SRRM2: variants seen among roughly 807,000 people sequenced by gnomAD.
SRRM2 encodes the protein serine/arginine repetitive matrix 2.
Under a neutral mutation model 213.8 loss-of-function variants are expected in SRRM2, and 30 were observed. The ratio of observed to expected loss-of-function variants is 0.14; its 90% confidence interval spans 0.10 to 0.19. The LOEUF (loss-of-function observed/expected upper bound fraction) is 0.19. Ranked by LOEUF, SRRM2 falls within the 10% of genes least tolerant of loss-of-function variation. The pLI is 1.00. For synonymous variants in SRRM2, 2,025 were observed against 1,377.7 expected, an observed-to-expected ratio of 1.47 and a Z score of -10.40; for missense variants, 4,904 against 3,647.0, an observed-to-expected ratio of 1.34 and a Z score of -8.88.
rs2068484533 is a variant in SRRM2, at chr16:2,764,847, G to A, written c.4319G>A (p.Arg1440Lys). The change falls in exon 11 of 15, where the codon AGG becomes AAG. Residue 1440 changes from arginine (R) to lysine (K), a missense_variant. Arg to Lys is a conservative substitution (Grantham distance 26). Coordinates refer to ENST00000301740, the MANE Select transcript of SRRM2 (RefSeq NM_016333.4). Reference sequence around the variant, plus strand: ...CCCAGAACTCCATCAAGGAGAAGCAGGTCTGGGTCTTCTCCAGGACTTAGA... The same window carrying A: ...CCCAGAACTCCATCAAGGAGAAGCAAGTCTGGGTCTTCTCCAGGACTTAGA... ...GLPRTPSRRS[R>K]SGSSPGLRDG... 6.2e-7 allele frequency: 1 copy of A among 1,614,074 alleles called. No homozygotes were observed. Among genetic ancestry groups the A allele is most frequent in the Non-Finnish European group, 8.5e-7 (1 of 1,180,034 alleles).
In SRRM2 at chr16:2,769,183, T is replaced by C. The variant is rs775877961; in HGVS notation, c.7920T>C (p.Ser2640=). Residue 2640 remains serine (S), a synonymous_variant, in exon 12 of 15, where the codon TCT becomes TCC. Transcript: ENST00000301740. ...SSSSSSSSSS[S]SSSSSSSSPS... ...CCTCTTCTTCTTCTTCCTCCTCATC[T>C]TCCTCCTCCTCGTCGTCTTCCTCCC... The C allele has an allele frequency of 1.7e-5, 28 of 1,611,034 alleles. No individual in the cohort carries two copies. The highest frequency in any genetic ancestry group is 1.1e-4 in the South Asian group (10 of 90,548).
At chr16:2,769,545 C>T (rs369714896) in intron 12 of SRRM2, 5 of 646,176 alleles carry the variant, frequency 7.7e-6, no homozygotes, top group East Asian at 5.6e-5. Flanking sequence ...TAGCCTGTTC[C>T]CAGGGTTCTA....
Position 2,768,105 on chromosome 16 carries a change from C to T in SRRM2, c.7577C>T (p.Pro2526Leu), listed in dbSNP as rs769498706. ...CCTTCTGCATTAGCCGCCCTGCAGC[C>T]AGCAAAGGAGCGGCGGAGTTCCTCC... The part of the protein sequence containing the change: ...QQPSALAALQ[P>L]AKERRSSSSS... Residue 2526 changes from proline to leucine, a missense_variant, in exon 11 of 15, where the codon CCA becomes CTA. Coordinates refer to ENST00000301740, the MANE Select transcript of SRRM2 (RefSeq NM_016333.4). The T allele has an allele frequency of 1.2e-6, 2 of 1,614,164 alleles. 1 individual carries two copies. The highest frequency in any genetic ancestry group is 2.2e-5 in the South Asian group (2 of 91,080).
Position 2,758,457 on chromosome 16 carries a change from C to A in SRRM2, c.516-13C>A, listed in dbSNP as rs2068227075. The A allele has an allele frequency of 1.9e-6, 3 of 1,611,510 alleles. No individual in the cohort carries two copies. The highest frequency in any genetic ancestry group is 2.7e-5 in the African/African-American group (2 of 74,972). ...TCTACCACCCATCTCTGCTGCTTTT[C>A]ATTTTTCCCTAGCCTTGTTCGGGAG... On this transcript the variant is annotated splice_polypyrimidine_tract_variant and intron_variant, in intron 4 of 14. Coordinates refer to ENST00000301740, the MANE Select transcript of SRRM2 (RefSeq NM_016333.4).
Position 2,770,870 on chromosome 16 carries a change from T to C in SRRM2, c.*3T>C, listed in dbSNP as rs755966286. On this transcript the variant is annotated 3_prime_UTR_variant, in exon 15 of 15. Transcript: ENST00000301740. ...TCTTCTCTTGCAGGTCTCCATAAAT[T>C]GTCTTTGGGGGATTCCACCACACCC... The C allele has an allele frequency of 1.9e-6, 3 of 1,613,900 alleles. No homozygotes were observed. The highest frequency in any genetic ancestry group is 2.2e-5 in the South Asian group (2 of 91,012).
rs138993052 is a variant in SRRM2, at chr16:2,764,332, T to G, written c.3804T>G (p.Phe1268Leu). ...TTAAAGAAATGTCCACAAGTAACTT[T>G]GAATCATCTCCTGAAGTAGAAGAAA... is the stretch of plus-strand genomic sequence containing the variant. ...SELKEMSTSN[F>L]ESSPEVEERP... is the part of the protein sequence containing the mutation. Residue 1268 changes from phenylalanine (F) to leucine (L), a missense_variant, in exon 11 of 15, where the codon TTT becomes TTG. Physicochemically the swap from Phe to Leu is conservative, Grantham distance 22. Coordinates refer to ENST00000301740, the MANE Select transcript of SRRM2 (RefSeq NM_016333.4). 1 of 1,614,194 alleles carries G rather than the reference T, an allele frequency of 6.2e-7. No homozygotes were observed. Among genetic ancestry groups the G allele is most frequent in the South Asian group, 1.1e-5 (1 of 91,074 alleles).
intron 9 of SRRM2, chr16:2,760,031 A>C: frequency 3.7e-6 from 2 of 546,754 alleles, no homozygotes; most frequent in African/African-American, 1.9e-5. Context: ...TGAAGCGGGT[A>C]GGGAGTGGGC....
In SRRM2 at chr16:2,763,875, A is replaced by G; in HGVS notation, c.3347A>G (p.Gln1116Arg). Residue 1116 changes from glutamine (Q) to arginine (R), a missense_variant, in exon 11 of 15, where the codon CAA (glutamine) becomes CGA (arginine). Physicochemically the swap from Gln to Arg is conservative, Grantham distance 43. Transcript: ENST00000301740. ...CTGGCATCCAGATCTCCAATAAGAC[A>G]AGATAGAGGTGAGTTCTCAGCGAGT... ...TELASRSPIR[Q>R]DRGEFSASPM... 1 of 1,614,210 alleles carries G rather than the reference A, an allele frequency of 6.2e-7. No homozygotes were observed. The highest frequency in any genetic ancestry group is 1.3e-5 in the African/African-American group (1 of 75,054).
In SRRM2 at chr16:2,767,671, C is replaced by T; in HGVS notation, c.7143C>T (p.Thr2381=). The change falls in exon 11 of 15, where the codon ACC becomes ACT. Residue 2381 remains threonine, a synonymous_variant. Coordinates refer to ENST00000301740, the MANE Select transcript of SRRM2 (RefSeq NM_016333.4). Reference sequence around the variant, plus strand: ...CAGCATTGTCTGGTGCAAACCTCACCAGCCCCAGGGTGCCCCTTTCTGCCT... The same window carrying T: ...CAGCATTGTCTGGTGCAAACCTCACTAGCCCCAGGGTGCCCCTTTCTGCCT... ...MAPALSGANL[T]SPRVPLSAYE... is the part of the protein sequence containing the mutation. 6.2e-7 allele frequency: 1 copy of T among 1,614,126 alleles called. No individual in the cohort carries two copies. The highest frequency in any genetic ancestry group is 1.1e-5 in the South Asian group (1 of 91,074).
intron 1 of SRRM2, among the ~76,000 whole-genome samples, chr16:2,755,405 G>A (rs2068105706): frequency 6.6e-6 from 1 of 152,130 alleles, no homozygotes; most frequent in East Asian, 1.9e-4. Flanking sequence ...TGTAGAGAGG[G>A]TTTCTACATA....
intron 9 of SRRM2, 47 bp from the exon 10 acceptor site, chr16:2,760,254 T>C: frequency 1.9e-6 from 3 of 1,577,966 alleles, no homozygotes; most frequent in Non-Finnish European, 8.6e-7. Context: ...TGTTCTCCCT[T>C]TGAGCTGATT....
rs747308461 is a variant in SRRM2 at position 2,763,164 on chromosome 16, C to G, written c.2636C>G (p.Pro879Arg). The change falls in exon 11 of 15, where the codon CCT becomes CGT. Residue 879 changes from proline to arginine, a missense_variant. Physicochemically the swap from Pro to Arg is moderately radical, Grantham distance 103 (BLOSUM62 -2). Coordinates refer to ENST00000301740, the MANE Select transcript of SRRM2 (RefSeq NM_016333.4). Reference protein sequence around the residue: ...RRSCFESSPDPELKSRTPSRH... With the variant: ...RRSCFESSPDRELKSRTPSRH... ...AGCTGTTTTGAATCATCACCTGACC[C>G]TGAGTTGAAATCTAGGACCCCTTCT... The G allele has an allele frequency of 4.3e-6, 7 of 1,614,154 alleles. No individual in the cohort carries two copies. The highest frequency in any genetic ancestry group is 5.9e-6 in the Non-Finnish European group (7 of 1,180,028).
rs1193110395 is a variant in SRRM2, at chr16:2,757,578, G to T, written c.349G>T (p.Ala117Ser). ...GGAGGAGACCCCAGGGCAGAGGCCA[G>T]CGTGAGTGTTGCGCTCTCCCTCGAT... ...GKEETPGQRP[A>S]VTETHQLAEL... The change falls in exon 3 of 15, where the codon GCG becomes TCG. Residue 117 changes from alanine (A) to serine (S), a missense_variant and splice_region_variant. By Grantham distance (99) the Ala-to-Ser change is moderately conservative. Coordinates refer to ENST00000301740, the MANE Select transcript of SRRM2 (RefSeq NM_016333.4). 8.7e-6 allele frequency: 14 copies of T among 1,612,918 alleles called. No homozygotes were observed. The highest frequency in any genetic ancestry group is 5.5e-5 in the South Asian group (5 of 91,040).
chr16:2,770,750 G>C (rs779644770), intron 14 of SRRM2, 33 bp downstream of exon 14: 2 of 1,590,498 alleles, frequency 1.3e-6, no homozygotes, highest in East Asian at 2.3e-5. Context: ...GCCCCCTTCC[G>C]GGAGCCAGTT....
Position 2,770,932 on chromosome 16 carries a change from C to T in SRRM2, c.*65C>T. On this transcript the variant is annotated 3_prime_UTR_variant, in exon 15 of 15. Transcript: ENST00000301740. ...GCCACAAGGAGTGTCCCTTCTTCCC[C>T]AGCAGAGCCGTGGGAGGGTCCTTGT... is the stretch of plus-strand genomic sequence containing the variant. The T allele has an allele frequency of 1.2e-6, 2 of 1,605,274 alleles. No homozygotes were observed. Among genetic ancestry groups the T allele is most frequent in the Non-Finnish European group, 1.7e-6 (2 of 1,174,354 alleles).
At position 2,771,388 on chromosome 16, in the gene SRRM2, C is replaced by A; in HGVS notation, c.*521C>A. The A allele has an allele frequency of 1.2e-6, 2 of 1,608,636 alleles. No individual in the cohort carries two copies. Among genetic ancestry groups the A allele is most frequent in the South Asian group, 2.2e-5 (2 of 90,726 alleles). ...GTACAGCAAGAGCAACTTTTTCTGT[C>A]AAATAAAAATGAGAAATGCAGGAAC... is the stretch of plus-strand genomic sequence containing the variant. On this transcript the variant is annotated 3_prime_UTR_variant, in exon 15 of 15. Transcript: ENST00000301740.
rs1450052112 is a variant in SRRM2, at chr16:2,756,433, G to C, written c.69G>C (p.Leu23=). The C allele has an allele frequency of 6.2e-7, 1 of 1,612,544 alleles. No individual in the cohort carries two copies. Among genetic ancestry groups the C allele is most frequent in the Admixed American group, 1.7e-5 (1 of 59,916 alleles). The change falls in exon 2 of 15, where the codon CTG becomes CTC. Residue 23 remains leucine, a synonymous_variant. Coordinates refer to ENST00000301740, the MANE Select transcript of SRRM2 (RefSeq NM_016333.4). ...SGTNGYVQRN[L]SLVRGRRGER... is the part of the protein sequence containing the mutation. ...CCAACGGCTACGTCCAGCGCAACCT[G>C]TCCCTGGTGCGGGGCCGCCGGGGTG...
At chr16:2,759,860 GTTTA>G (rs764058537) in intron 9 of SRRM2, 199 bp downstream of exon 9, 3 of 573,186 alleles carry the variant, frequency 5.2e-6, no homozygotes, top group Non-Finnish European at 9.1e-6. Context: ...TTTTGTTTTT[GTTTA>G]TTTGTTATTT....
At chr16:2,770,742 C>A in intron 14 of SRRM2, 25 bp downstream of exon 14, 1 of 1,584,576 alleles carries the variant, frequency 6.3e-7, no homozygotes, top group East Asian at 2.3e-5. Flanking sequence ...AGGCTGATGC[C>A]CCCTTCCGGG....
Sources: gnomAD v4.1 joint callset for allele counts (sites outside exome capture counted in the v4.1 genomes callset) on GRCh38, gnomAD v4.1.1 for gene constraint, MANE v1.5 for transcripts, NCBI Gene and HGNC (gene_info 2026-07-23, HGNC 2026-07-21) for gene names.